Variants in SHROOM2 observed in about 807,000 individuals in gnomAD.
SHROOM2 encodes protein Shroom2.
A neutral mutation model predicts 75.9 loss-of-function variants in SHROOM2; 33 were observed. The ratio of observed to expected loss-of-function variants is 0.43; its 90% CI spans 0.33 to 0.58. SHROOM2 has a LOEUF of 0.58. Among genes scored for constraint, SHROOM2 ranks in the 20% least tolerant of loss-of-function variants. The pLI is 0.04. For synonymous variants in SHROOM2, 655 were observed against 663.6 expected (o/e 0.99, Z 0.20); for missense variants, 1,434 against 1,461.2 (o/e 0.98, Z 0.30).
At chrX:9,807,179 A>G (rs1419054225) in intron 1 of SHROOM2, among the ~76,000 whole-genome samples, 2 of 111,880 alleles carry the variant, frequency 1.8e-5, no homozygotes, top group African/African-American at 3.2e-5. Context: ...AGCCTGGATG[A>G]TCCCCCAGCA....
intron 5 of SHROOM2, among the ~76,000 whole-genome samples, chrX:9,929,209 A>G (rs925121094): frequency 1.8e-5 from 2 of 108,968 alleles, no homozygotes; most frequent in African/African-American, 3.4e-5. Flanking sequence ...GTTGACCCTG[A>G]TGGCCCAGAT....
intron 5 of SHROOM2, among the ~76,000 whole-genome samples, chrX:9,908,809 T>C (rs2084404890): frequency 9.1e-6 from 1 of 109,772 alleles, no homozygotes. Flanking sequence ...TAGCTGGGCA[T>C]GGTGGTGCAC....
chrX:9,919,902 T>A (rs980739551), intron 5 of SHROOM2, among the ~76,000 whole-genome samples: 1 of 110,130 alleles, frequency 9.1e-6, no homozygotes, highest in Non-Finnish European at 1.9e-5. Flanking sequence ...CAGACAGACA[T>A]CTCAAATCAC....
At position 9,896,467 on chromosome X, in the gene SHROOM2, C is replaced by T. The variant is rs767943035; in HGVS notation, c.2559C>T (p.Asn853=). The T allele has an allele frequency of 1.8e-5, 22 of 1,209,693 alleles. No homozygotes were observed. The highest frequency in any genetic ancestry group is 7.1e-5 in the South Asian group (4 of 56,708). Reference sequence around the variant, plus strand: ...CCACCTCCCTTGGGGACAGCCTCAACGCTCACAGCGCAGCGGAGAAGGCAG... The same window carrying T: ...CCACCTCCCTTGGGGACAGCCTCAATGCTCACAGCGCAGCGGAGAAGGCAG... ...SRTTSLGDSL[N]AHSAAEKAGT... Residue 853 remains asparagine, a synonymous_variant, in exon 4 of 10, where the codon AAC becomes AAT. Coordinates refer to ENST00000380913, the MANE Select transcript of SHROOM2 (RefSeq NM_001649.4).
At chrX:9,791,149 A>G (rs770585253) in intron 1 of SHROOM2, among the ~76,000 whole-genome samples, 3 of 111,460 alleles carry the variant, frequency 2.7e-5, no homozygotes, top group African/African-American at 9.8e-5. Context: ...AAAAAAAAAA[A>G]GAAAAGAAAA....
rs948391403 is a variant in SHROOM2, at chrX:9,935,229, C to CG, written c.3588-1898dup. On this transcript the variant is annotated intron_variant, in intron 6 of 9. Coordinates refer to ENST00000380913, the MANE Select transcript of SHROOM2 (RefSeq NM_001649.4). ...GGCAAGCAGAGCTTCTCCCGGGAGC[C>CG]GGGGGGGCGGGGGTGAAGGGAGTGC... Among the ~76,000 whole-genome samples the CG allele has an allele frequency of 1.2e-4, 13 of 110,277 alleles. No individual in the cohort carries two copies. The East Asian group carries it at 1.4e-3, about 12-fold the overall frequency.
chrX:9,939,172 G>A (rs764851712), intron 7 of SHROOM2, 23 bp from the exon 8 acceptor site: 20 of 1,178,905 alleles, frequency 1.7e-5, no homozygotes, highest in Non-Finnish European at 2.3e-5. Context: ...CCAGCTCATT[G>A]AAGTTCCCAC....
chrX:9,936,987 G>A lies in SHROOM2; in HGVS notation c.3588-147G>A, dbSNP rs774248739. 8 of 536,901 alleles carry A rather than the reference G, an allele frequency of 1.5e-5. No individual in the cohort carries two copies. The East Asian group carries it at 2.6e-4, about 17-fold the overall frequency. 44.2% of individuals were successfully genotyped at this position (536,901 alleles called of 1,213,427 possible). On this transcript the variant is annotated intron_variant, in intron 6 of 9. Transcript: ENST00000380913. The stretch of plus-strand genomic sequence containing the variant: ...TTGAGGCCTCTGCCTCATCCAGGAT[G>A]TGGGATCATGGAGGCTCCTTCGAGT...
chrX:9,860,418 C>T, intron 1 of SHROOM2, among the ~76,000 whole-genome samples: 1 of 111,337 alleles, frequency 9.0e-6, no homozygotes, highest in East Asian at 2.8e-4. Context: ...GTCTGTTTTC[C>T]CAGTCATGTC....
intron 1 of SHROOM2, among the ~76,000 whole-genome samples, chrX:9,830,495 A>AC (rs2083909672): frequency 9.4e-6 from 1 of 106,540 alleles, no homozygotes; most frequent in South Asian, 4.3e-4. Flanking sequence ...CTTATCCTTC[A>AC]CCCAAAGATT....
At chrX:9,941,317 G>T (rs1289833995) in intron 8 of SHROOM2, among the ~76,000 whole-genome samples, 2 of 111,639 alleles carry the variant, frequency 1.8e-5, no homozygotes, top group Admixed American at 9.5e-5. Context: ...CTCCTGGAAA[G>T]CCACGCACTG....
intron 4 of SHROOM2, among the ~76,000 whole-genome samples, chrX:9,897,680 CAAAA>C (rs56026461): frequency 2.8e-5 from 2 of 70,613 alleles, no homozygotes; most frequent in Non-Finnish European, 2.5e-5. Flanking sequence ...GACCCTGTCT[CAAAA>C]AAAAAAAAAA....
At chrX:9,917,535 T>TTGTTGTTG (rs56120057) in intron 5 of SHROOM2, among the ~76,000 whole-genome samples, 102 of 102,381 alleles carry the variant, frequency 1.0e-3, no homozygotes, top group African/African-American at 2.1e-3. Context: ...TGTTGTTGTT[T>TTGTTGTTG]TTTGAGATGG....
At chrX:9,886,736 A>C (rs2084263147) in intron 2 of SHROOM2, among the ~76,000 whole-genome samples, 1 of 111,150 alleles carries the variant, frequency 9.0e-6, no homozygotes, top group Non-Finnish European at 1.9e-5. Context: ...GTAGCATACC[A>C]TCCCCAAGGT....
rs188651270 is a variant in SHROOM2, at chrX:9,902,319, A to G, written c.2891+4029A>G. On this transcript the variant is annotated intron_variant, in intron 5 of 9. Coordinates refer to ENST00000380913, the MANE Select transcript of SHROOM2 (RefSeq NM_001649.4). ...GATGGATAGAGGGGAGGGCAAGTGG[A>G]TGGATGGATACATGGGTGCATGGAT... 2.1e-3 allele frequency among the ~76,000 whole-genome samples: 226 copies of G among 110,066 alleles called. 2 individuals are homozygous for G. The East Asian group carries it at 0.026, about 13-fold the overall frequency.
At chrX:9,934,608 C>T (rs1035030752) in intron 6 of SHROOM2, among the ~76,000 whole-genome samples, 4 of 110,980 alleles carry the variant, frequency 3.6e-5, no homozygotes, top group Non-Finnish European at 5.7e-5. Flanking sequence ...CTGGAAGGTC[C>T]GACCCACTGT....
At position 9,825,731 on chromosome X, in the gene SHROOM2, T is replaced by A. The variant is rs1320226838; in HGVS notation, c.165+39021T>A. On this transcript the variant is annotated intron_variant, in intron 1 of 9. Transcript: ENST00000380913. ...TATGTTTGTGTTTCAGTGAGGAAGA[T>A]AGTAGCTGCTTCCCTCCCACAGCCT... Among the ~76,000 whole-genome samples the A allele has an allele frequency of 8.9e-5, 10 of 111,915 alleles. No individual in the cohort carries two copies. In the East Asian group the frequency reaches 2.8e-3, roughly 32 times the overall value.
intron 5 of SHROOM2, among the ~76,000 whole-genome samples, chrX:9,913,996 CACATAGTGGCAA>C (rs1422839981): frequency 9.1e-6 from 1 of 110,494 alleles, no homozygotes; most frequent in African/African-American, 3.3e-5. Context: ...TCTTTTGTCA[CACATAGTGGCAA>C]AAACATTTTA....
chrX:9,908,781 A>G (rs1417016106), intron 5 of SHROOM2, among the ~76,000 whole-genome samples: 2 of 108,516 alleles, frequency 1.8e-5, no homozygotes, highest in East Asian at 5.8e-4. Flanking sequence ...GTGAGACCCC[A>G]TCTCTACAAA....
Sources: allele counts gnomAD v4.1 joint callset (sites outside exome capture counted in the v4.1 genomes callset), GRCh38; gene constraint gnomAD v4.1.1; transcripts MANE v1.5; gene names NCBI Gene and HGNC (gene_info 2026-07-23, HGNC 2026-07-21).